Variants in NF1 observed in about 807,000 individuals in gnomAD.
NF1 encodes neurofibromin 1.
NF1 carries 122 observed loss-of-function variants against 325.7 expected under a neutral mutation model. That is an observed-to-expected ratio of 0.37 (90% CI 0.32 to 0.44). The LOEUF is 0.44. Among genes scored for constraint, NF1 ranks in the 20% least tolerant of loss-of-function variants. The pLI, the probability that NF1 is intolerant of heterozygous loss-of-function variation, is 1.00. For missense variants in NF1, 2,140 were observed against 3,415.4 expected, an observed-to-expected ratio of 0.63 and a Z score of 9.31; for synonymous variants, 1,091 against 1,186.0, an observed-to-expected ratio of 0.92 and a Z score of 1.65.
intron 27 of NF1, among the ~76,000 whole-genome samples, chr17:31,233,669 C>T (rs1480931676): frequency 2.6e-5 from 4 of 152,102 alleles, no homozygotes; most frequent in South Asian, 2.1e-4. Flanking sequence ...AAACTGAAAG[C>T]GTCATATGGC....
At chr17:31,230,782 G>A (rs2067099836) in intron 23 of NF1, 60 bp from the exon 24 acceptor site, 1 of 1,243,952 alleles carries the variant, frequency 8.0e-7, no homozygotes, top group Non-Finnish European at 1.2e-6. Context: ...CGTGACTAAA[G>A]GTGTGTGTGT....
At chr17:31,306,507 C>A (rs750668971) in intron 36 of NF1, among the ~76,000 whole-genome samples, 3 of 152,114 alleles carry the variant, frequency 2.0e-5, no homozygotes, top group Non-Finnish European at 2.9e-5. Flanking sequence ...TGACTCTTCT[C>A]CCAACTTCTC....
intron 24 of NF1, 138 bp downstream of exon 24, chr17:31,231,063 A>T: frequency 1.4e-6 from 1 of 695,858 alleles, no homozygotes; most frequent in Non-Finnish European, 2.5e-6. Flanking sequence ...ATATGTAAAG[A>T]TGCTAATCTT....
At position 31,200,232 on chromosome 17, in the gene NF1, A is replaced by AT. The variant is rs35966725; in HGVS notation, c.889-182dup. On this transcript the variant is annotated intron_variant, in intron 8 of 57. Coordinates refer to ENST00000358273, the MANE Select transcript of NF1 (RefSeq NM_001042492.3). ...ATTCAATAAAGAAAATAGAAAAAGG[A>AT]TTTTTTTTAAATTTGAGAAACATTT... Among the ~76,000 whole-genome samples, 82,919 of 151,688 alleles carry AT rather than the reference A, an allele frequency of 0.55. 26,068 individuals carry two copies. The highest frequency in any genetic ancestry group is 0.76 in the Middle Eastern group (223 of 292).
At chr17:31,097,774 G>A (rs918204244) in intron 1 of NF1, among the ~76,000 whole-genome samples, 1 of 151,712 alleles carries the variant, frequency 6.6e-6, no homozygotes, top group Non-Finnish European at 1.5e-5. Flanking sequence ...TCGGTTCATT[G>A]CAACCCCTGC....
rs142079728 is a variant in NF1, at chr17:31,225,185, G to A, written c.1936G>A (p.Asp646Asn). 6.2e-7 allele frequency: 1 copy of A among 1,613,800 alleles called. No homozygotes were observed. Among genetic ancestry groups the A allele is most frequent in the Non-Finnish European group, 8.5e-7 (1 of 1,179,760 alleles). The change falls in exon 17 of 58, where the codon GAT becomes AAT. Residue 646 changes from aspartate to asparagine, a missense_variant. Physicochemically the swap from Asp to Asn is conservative, Grantham distance 23. Around this residue, in one of 10 missense-constraint regions of NF1, gnomAD observed 45 missense variants for 42.5 expected, o/e 1.06. Coordinates refer to ENST00000358273, the MANE Select transcript of NF1 (RefSeq NM_001042492.3). ...TGGAAATACCAGTCAAATGTCCATG[G>A]ATCATGAAGAATTACTACGTACTCC... is the stretch of plus-strand genomic sequence containing the variant. ...SSGNTSQMSM[D>N]HEELLRTPGA... is the part of the protein sequence containing the mutation.
intron 10 of NF1, 51 bp downstream of exon 10, chr17:31,201,210 T>G (rs756233006): frequency 2.2e-5 from 36 of 1,608,464 alleles, no homozygotes; most frequent in Non-Finnish European, 2.1e-5. Context: ...TGTTATCCTT[T>G]ATAAACAAAA....
chr17:31,295,274 A>C (rs1337352255), intron 36 of NF1: 1 of 1,614,022 alleles, frequency 6.2e-7, no homozygotes, highest in African/African-American at 1.3e-5. Context: ...ATGAATAGTT[A>C]GAGTTGCAGC....
At chr17:31,187,473 G>T (rs565939389) in intron 8 of NF1, among the ~76,000 whole-genome samples, 1 of 152,120 alleles carries the variant, frequency 6.6e-6, no homozygotes, top group South Asian at 2.1e-4. Flanking sequence ...AGGATTACAG[G>T]CATGAGCCAA....
At chr17:31,153,973 G>C (rs1917130798) in intron 1 of NF1, among the ~76,000 whole-genome samples, 1 of 151,634 alleles carries the variant, frequency 6.6e-6, no homozygotes, top group Non-Finnish European at 1.5e-5. Flanking sequence ...CTGGGTTTGG[G>C]AATGAGGGAC....
At chr17:31,131,428 G>A (rs1438753120) in intron 1 of NF1, among the ~76,000 whole-genome samples, 1 of 152,114 alleles carries the variant, frequency 6.6e-6, no homozygotes, top group Non-Finnish European at 1.5e-5. Context: ...CCGGTGCGTG[G>A]TAGCCCTGTG....
At chr17:31,285,800 C>T (rs1413301475) in intron 36 of NF1, among the ~76,000 whole-genome samples, 1 of 152,110 alleles carries the variant, frequency 6.6e-6, no homozygotes, top group Non-Finnish European at 1.5e-5. Context: ...GCCTGGGTGA[C>T]AGTGAGACCC....
intron 36 of NF1, among the ~76,000 whole-genome samples, chr17:31,286,728 C>T (rs1432994473): frequency 6.6e-6 from 1 of 152,200 alleles, no homozygotes; most frequent in Non-Finnish European, 1.5e-5. Context: ...TACTCTTACA[C>T]TACATAATAT....
intron 8 of NF1, among the ~76,000 whole-genome samples, chr17:31,188,737 T>TA: frequency 6.6e-6 from 1 of 151,676 alleles, no homozygotes; most frequent in Non-Finnish European, 1.5e-5. Flanking sequence ...TCTAATCAGC[T>TA]GCCAGTGTGG....
chr17:31,207,456 C>T (rs967244364), intron 12 of NF1, among the ~76,000 whole-genome samples: 9 of 152,072 alleles, frequency 5.9e-5, no homozygotes, highest in Admixed American at 1.3e-4. Flanking sequence ...TCACTCTTAT[C>T]CAGTTGTCAG....
intron 5 of NF1, among the ~76,000 whole-genome samples, chr17:31,180,763 A>G (rs1244507806): frequency 6.6e-6 from 1 of 152,220 alleles, no homozygotes; most frequent in African/African-American, 2.4e-5. Flanking sequence ...AGGCAAGAGA[A>G]AGAAATAAAG....
chr17:31,286,510 C>CA (rs2151490337), intron 36 of NF1, among the ~76,000 whole-genome samples: 2 of 152,166 alleles, frequency 1.3e-5, no homozygotes, highest in South Asian at 4.1e-4. Context: ...ATACTTTATC[C>CA]AAGTATATTT....
Position 31,235,953 on chromosome 17 carries a change from T to G in NF1, c.3906T>G (p.Asp1302Glu), listed in dbSNP as rs549058591. 31 of 1,614,000 alleles carry G rather than the reference T, an allele frequency of 1.9e-5. No homozygotes were observed. The highest frequency in any genetic ancestry group is 2.5e-5 in the Non-Finnish European group (29 of 1,180,002). ...YGATYLQKLLDPLLRIVITSS... is the reference protein window; with the variant it reads ...YGATYLQKLLEPLLRIVITSS... ...CTACCTATCTACAAAAACTCCTGGA[T>G]CCTTTATTACGAATTGTGATCACAT... Residue 1302 changes from aspartate (D) to glutamate (E), a missense_variant, in exon 29 of 58, where the codon GAT becomes GAG. Physicochemically the swap from Asp to Glu is conservative, Grantham distance 45. Transcript: ENST00000358273.
At position 31,247,069 on chromosome 17, in the gene NF1, G is replaced by A. The variant is rs554915634; in HGVS notation, c.3975-1915G>A. On this transcript the variant is annotated intron_variant, in intron 29 of 57. Transcript: ENST00000358273. ...AATTACCTGGGCGTGGTGGTGGTGC[G>A]CCTGTAGTCCCATCTACTTGGGAGG... Among the ~76,000 whole-genome samples the A allele has an allele frequency of 1.3e-4, 19 of 151,958 alleles. No homozygotes were observed. The South Asian group carries it at 2.1e-3, about 17-fold the overall frequency.
Sources: allele counts gnomAD v4.1 joint callset (sites outside exome capture counted in the v4.1 genomes callset), GRCh38; gene constraint gnomAD v4.1.1; regional missense constraint gnomAD v4.1.1; transcripts MANE v1.5; gene names NCBI Gene and HGNC (gene_info 2026-07-23, HGNC 2026-07-21).